Variants in ITGA8 observed in about 807,000 individuals in gnomAD.
ITGA8 encodes integrin alpha-8.
In ITGA8, 91 loss-of-function variants were observed where a neutral mutation model predicts 142.3. The ratio of observed to expected loss-of-function variants is 0.64; its 90% CI spans 0.54 to 0.76. The LOEUF (loss-of-function observed/expected upper bound fraction) is 0.76. Ranked by LOEUF, ITGA8 falls within the 30% of genes least tolerant of loss-of-function variation. The probability of loss-of-function intolerance (pLI) is 0.00; values close to 1 mark genes in which losing one functional copy is unlikely to be tolerated. For missense variants in ITGA8, 1,406 were observed against 1,327.7 expected (o/e 1.06, Z -0.92); for synonymous variants, 505 against 485.2 (o/e 1.04, Z -0.54).
At chr10:15,590,563 T>C (rs943230589) in intron 22 of ITGA8, among the ~76,000 whole-genome samples, 1 of 152,212 alleles carries the variant, frequency 6.6e-6, no homozygotes, top group African/African-American at 2.4e-5. Flanking sequence ...CAGACAATGA[T>C]GCAGAGGAAT....
At chr10:15,718,114 C>G (rs11575613) in intron 2 of ITGA8, among the ~76,000 whole-genome samples, 3,163 of 152,198 alleles carry the variant, frequency 0.021, 125 homozygotes, top group African/African-American at 0.071. Flanking sequence ...TTCTCAGGCT[C>G]TAAAGAGAAA....
intron 26 of ITGA8, among the ~76,000 whole-genome samples, chr10:15,549,199 C>CTTTTTTTTTTTTTTTTTTTTTTT (rs1564346419): frequency 4.1e-5 from 2 of 48,844 alleles, no homozygotes; most frequent in Non-Finnish European, 3.7e-5. Flanking sequence ...CTTTTCTTTT[C>CTTTTTTTTTTTTTTTTTTTTTTT]TGTTTTTTTT....
chr10:15,679,960 G>T (rs1287022557), intron 4 of ITGA8, among the ~76,000 whole-genome samples: 4 of 152,170 alleles, frequency 2.6e-5, no homozygotes, highest in Non-Finnish European at 5.9e-5. Context: ...ATCCTGCATA[G>T]TTAGATTTGG....
chr10:15,528,318 GTTC>G (rs1415631878), intron 28 of ITGA8, among the ~76,000 whole-genome samples: 1 of 152,084 alleles, frequency 6.6e-6, no homozygotes, highest in Non-Finnish European at 1.5e-5. Flanking sequence ...TCCACTCAGA[GTTC>G]TTCTCTCACA....
chr10:15,525,325 T>C (rs1833150660), intron 28 of ITGA8, among the ~76,000 whole-genome samples: 1 of 151,996 alleles, frequency 6.6e-6, no homozygotes, highest in Admixed American at 6.6e-5. Context: ...AAGCATAACA[T>C]AAAATGTTCT....
At chr10:15,548,777 G>A (rs1277808061) in intron 26 of ITGA8, among the ~76,000 whole-genome samples, 1 of 152,130 alleles carries the variant, frequency 6.6e-6, no homozygotes, top group African/African-American at 2.4e-5. Context: ...TAAAATTTAA[G>A]CTCTTTTCGA....
chr10:15,543,774 G>A lies in ITGA8; in HGVS notation c.2880+4681C>T, dbSNP rs568076555. On this transcript the variant is annotated intron_variant, in intron 27 of 29. Coordinates refer to ENST00000378076, the MANE Select transcript of ITGA8 (RefSeq NM_003638.3). ...CAAATTCATGTTCACTTAGAATCTCGTAATATGACCTTATTTGGAATAATG... is the reference window on the plus strand; with the variant it reads ...CAAATTCATGTTCACTTAGAATCTCATAATATGACCTTATTTGGAATAATG... Among the ~76,000 whole-genome samples, 69 of 152,266 alleles carry A rather than the reference G, an allele frequency of 4.5e-4. 1 individual carries two copies. The South Asian group carries it at 0.01, about 23-fold the overall frequency.
intron 13 of ITGA8, among the ~76,000 whole-genome samples, chr10:15,643,708 C>G (rs1323728656): frequency 6.6e-6 from 1 of 152,222 alleles, no homozygotes; most frequent in African/African-American, 2.4e-5. Flanking sequence ...TGCAAGCTGT[C>G]TATGTCAGTG....
At chr10:15,683,556 A>G (rs556255477) in intron 4 of ITGA8, among the ~76,000 whole-genome samples, 4 of 152,250 alleles carry the variant, frequency 2.6e-5, no homozygotes, top group African/African-American at 9.6e-5. Flanking sequence ...GACAATCTGC[A>G]TACACAGCTG....
At chr10:15,611,802 TA>T (rs35344683) in intron 15 of ITGA8, among the ~76,000 whole-genome samples, 104,149 of 148,220 alleles carry the variant, frequency 0.7, 36,716 homozygotes, top group Middle Eastern at 0.85. Flanking sequence ...TTAATCTGGT[TA>T]AAAAAAAAAA....
intron 22 of ITGA8, among the ~76,000 whole-genome samples, chr10:15,591,916 A>G (rs558245255): frequency 6.6e-6 from 1 of 152,184 alleles, no homozygotes; most frequent in Non-Finnish European, 1.5e-5. Context: ...GAGCATGGGA[A>G]TTAGGGTGGG....
intron 2 of ITGA8, among the ~76,000 whole-genome samples, chr10:15,708,586 T>TA (rs906807670): frequency 6.6e-6 from 1 of 151,508 alleles, no homozygotes; most frequent in Non-Finnish European, 1.5e-5. Flanking sequence ...CCTGCAAAAT[T>TA]AAAAAAAAAG....
intron 27 of ITGA8, among the ~76,000 whole-genome samples, chr10:15,539,065 G>T (rs1300423319): frequency 6.7e-6 from 1 of 148,494 alleles, no homozygotes; most frequent in Admixed American, 6.9e-5. Context: ...AAGATATGTT[G>T]TATGCAAATA....
intron 27 of ITGA8, among the ~76,000 whole-genome samples, chr10:15,533,190 A>G (rs1833347925): frequency 6.6e-6 from 1 of 152,206 alleles, no homozygotes; most frequent in South Asian, 2.1e-4. Flanking sequence ...TTTCTCCATT[A>G]GATAAACGCT....
In ITGA8 at chr10:15,572,305, G is replaced by A. The variant is rs1447163566; in HGVS notation, c.2543C>T (p.Ala848Val). The change falls in exon 25 of 30, where the codon GCC becomes GTC. Residue 848 changes from alanine to valine, a missense_variant. Physicochemically the swap from Ala to Val is moderately conservative, Grantham distance 64 (BLOSUM62 0). Coordinates refer to ENST00000378076, the MANE Select transcript of ITGA8 (RefSeq NM_003638.3). ...TILEVGWPFSARDEFLLYIFH... is the reference protein window; with the variant it reads ...TILEVGWPFSVRDEFLLYIFH... ...AATATAGAGAAGAAATTCATCCCGG[G>A]CAGAGAAAGGCCAGCCCACCTCCAG... The A allele has an allele frequency of 1.2e-6, 2 of 1,613,956 alleles. No individual in the cohort carries two copies. The highest frequency in any genetic ancestry group is 8.5e-7 in the Non-Finnish European group (1 of 1,179,900).
In ITGA8 at chr10:15,545,845, T is replaced by C. The variant is rs980328407; in HGVS notation, c.2880+2610A>G. ...GTATTAATTTATTTATTTACTTGTGTTCTTTAAAAAACGTAATTATTATCA... is the reference window on the plus strand; with the variant it reads ...GTATTAATTTATTTATTTACTTGTGCTCTTTAAAAAACGTAATTATTATCA... On this transcript the variant is annotated intron_variant, in intron 27 of 29. Transcript: ENST00000378076. 5.9e-5 allele frequency among the ~76,000 whole-genome samples: 9 copies of C among 152,352 alleles called. No homozygotes were observed. The South Asian group carries it at 1.7e-3, about 28-fold the overall frequency.
chr10:15,674,480 C>T (rs978863840), intron 6 of ITGA8, among the ~76,000 whole-genome samples: 1 of 152,112 alleles, frequency 6.6e-6, no homozygotes, highest in African/African-American at 2.4e-5. Context: ...TAGAAGAAAA[C>T]CTTCCGTAAA....
intron 8 of ITGA8, among the ~76,000 whole-genome samples, chr10:15,670,570 A>G (rs1010230520): frequency 1.3e-5 from 2 of 152,238 alleles, no homozygotes; most frequent in Admixed American, 6.5e-5. Flanking sequence ...ATAACAATAC[A>G]TAGACCTTGC....
chr10:15,535,541 C>A (rs1460277874), intron 27 of ITGA8, among the ~76,000 whole-genome samples: 1 of 152,164 alleles, frequency 6.6e-6, no homozygotes, highest in Non-Finnish European at 1.5e-5. Flanking sequence ...ATGCACCAAT[C>A]CACACTCTGT....
Sources: gnomAD v4.1 joint callset for allele counts (sites outside exome capture counted in the v4.1 genomes callset) on GRCh38, gnomAD v4.1.1 for gene constraint, MANE v1.5 for transcripts, NCBI Gene and HGNC (gene_info 2026-07-23, HGNC 2026-07-21) for gene names.